PBRM1: variants seen among roughly 807,000 people sequenced by gnomAD.
PBRM1 encodes the protein polybromo 1.
PBRM1 carries 27 observed loss-of-function variants against 194.5 expected under a neutral mutation model. The ratio of observed to expected loss-of-function variants is 0.14; its 90% CI spans 0.10 to 0.19. PBRM1 has a LOEUF of 0.19. Ranked by LOEUF, PBRM1 falls within the 10% of genes least tolerant of loss-of-function variation. The probability of loss-of-function intolerance (pLI) is 1.00; values close to 1 mark genes in which losing one functional copy is unlikely to be tolerated. For missense variants in PBRM1, 1,466 were observed against 2,077.2 expected (o/e 0.71, Z 5.72); for synonymous variants, 655 against 693.2 (o/e 0.94, Z 0.87).
In PBRM1 at chr3:52,616,537, C is replaced by A. The variant is rs190707777; in HGVS notation, c.1818+725G>T. Among the ~76,000 whole-genome samples, 790 of 152,090 alleles carry A rather than the reference C, an allele frequency of 5.2e-3. 9 individuals are homozygous for A. The highest frequency in any genetic ancestry group is 0.018 in the African/African-American group (753 of 41,506). ...TGAAACCCCATCTCTACTAAAAGTA[C>A]AAAAAATTAGCTGGGCGTGGTGGTG... On this transcript the variant is annotated intron_variant, in intron 14 of 29. Coordinates refer to ENST00000296302, the Ensembl canonical transcript of PBRM1.
At chr3:52,586,387 G>C (rs1474829750) in intron 20 of PBRM1, 38 bp downstream of exon 22, 2 of 1,546,884 alleles carry the variant, frequency 1.3e-6, no homozygotes, top group Admixed American at 3.7e-5. Context: ...GGTGTTTTGA[G>C]ATGTAAAATT....
At chr3:52,655,919 G>A (rs529509325) in intron 5 of PBRM1, among the ~76,000 whole-genome samples, 5 of 152,292 alleles carry the variant, frequency 3.3e-5, no homozygotes, top group South Asian at 2.1e-4. Flanking sequence ...CCAATCCTTC[G>A]GATCGGGTTC....
chr3:52,652,047 G>A (rs1234585915), intron 5 of PBRM1, among the ~76,000 whole-genome samples: 2 of 152,190 alleles, frequency 1.3e-5, no homozygotes, highest in African/African-American at 4.8e-5. Context: ...TTGGTATTTT[G>A]AGTGTTATTA....
chr3:52,642,037 CT>C lies in PBRM1; in HGVS notation c.1003del (p.Arg335GlufsTer27). 1 of 1,490,684 alleles carries C rather than the reference CT, an allele frequency of 6.7e-7. No individual in the cohort carries two copies. Among genetic ancestry groups the C allele is most frequent in the Non-Finnish European group, 9.3e-7 (1 of 1,075,710 alleles). 92.3% of individuals were successfully genotyped at this position (1,490,684 alleles called of 1,614,324 possible). On this transcript the variant is annotated frameshift_variant, in exon 10 of 30. Coordinates refer to ENST00000296302, the Ensembl canonical transcript of PBRM1. LOFTEE classifies it high-confidence loss of function. ...TGATAAACGACCTCCTTGTACTGCTCTTTTATTACTACAAAAAAAAAAAAAG... is the reference window on the plus strand; with the variant it reads ...TGATAAACGACCTCCTTGTACTGCTCTTTATTACTACAAAAAAAAAAAAAG...
Position 52,609,814 on chromosome 3 carries a change from G to A in PBRM1, c.2066C>T (p.Ser689Phe), listed in dbSNP as rs2094519998. 6.2e-7 allele frequency: 1 copy of A among 1,613,530 alleles called. No homozygotes were observed. The highest frequency in any genetic ancestry group is 8.5e-7 in the Non-Finnish European group (1 of 1,179,862). Reference sequence around the variant, plus strand: ...ATAGTAGTCAGGCAACTCAGATCTAGAGGGAAGCCTCAGAAATATGGCACT... The same window carrying A: ...ATAGTAGTCAGGCAACTCAGATCTAAAGGGAAGCCTCAGAAATATGGCACT... Residue 689 changes from serine (S) to phenylalanine (F), a missense_variant, in exon 16 of 30, where the codon TCT (serine) becomes TTT (phenylalanine). This residue lies in a region of PBRM1 where 687 missense variants were observed against 946.2 expected (regional missense o/e 0.73). Coordinates refer to ENST00000296302, the Ensembl canonical transcript of PBRM1. This position sits in a 1 kb window ranked among gnomAD's most constrained non-coding sequence, Gnocchi z 4.1.
At chr3:52,560,577 A>G (rs984122403) in intron 25 of PBRM1, 1 of 152,008 alleles carries the variant, frequency 6.6e-6, no homozygotes, top group South Asian at 2.1e-4. Context: ...TGCATGCTGT[A>G]TGAAAGGAGA....
At position 52,609,892 on chromosome 3, in the gene PBRM1, T is replaced by C. The variant is rs752249293; in HGVS notation, c.1988A>G (p.Asn663Ser). Residue 663 changes from asparagine to serine, a missense_variant, in exon 16 of 30, where the codon AAT becomes AGT. By Grantham distance (46) the Asn-to-Ser change is conservative. Transcript: ENST00000296302. This position sits in a 1 kb window ranked among gnomAD's most constrained non-coding sequence, Gnocchi z 4.1. ...GTTCTTTACAGCTTCATAGACCTCA[T>C]TTAGTTTCTGCTGCATTGGAGTCAT... The C allele has an allele frequency of 1.2e-5, 19 of 1,569,296 alleles. No individual in the cohort carries two copies. The highest frequency in any genetic ancestry group is 1.4e-5 in the Non-Finnish European group (16 of 1,158,796).
intron 3 of PBRM1, among the ~76,000 whole-genome samples, chr3:52,663,417 C>T (rs566733465): frequency 2.0e-5 from 3 of 152,304 alleles, no homozygotes; most frequent in Non-Finnish European, 2.9e-5. Context: ...CTATCTCAAA[C>T]CATGGCACTG....
chr3:52,664,065 A>C (rs1351879593), intron 3 of PBRM1, among the ~76,000 whole-genome samples: 10 of 151,668 alleles, frequency 6.6e-5, no homozygotes, highest in Non-Finnish European at 1.3e-4. Flanking sequence ...GTCTCAAAAA[A>C]AAAAAAAAAA....
At position 52,586,592 on chromosome 3, in the gene PBRM1, T is replaced by A. The variant is rs2153773501; in HGVS notation, c.3220A>T (p.Lys1074Ter). 6.2e-7 allele frequency: 1 copy of A among 1,614,070 alleles called. No homozygotes were observed. The highest frequency in any genetic ancestry group is 8.5e-7 in the Non-Finnish European group (1 of 1,179,980). Residue 1074 changes from lysine to a stop codon, truncating the protein, a stop_gained, in exon 20 of 30, where the codon AAA becomes TAA. Transcript: ENST00000296302. LOFTEE classifies it high-confidence loss of function. Reference sequence around the variant, plus strand: ...GAGCTGATGGGCATGGTCCACAGTTTAATTTTCTTAAAAGATTTGGTTTTG... The same window carrying A: ...GAGCTGATGGGCATGGTCCACAGTTAAATTTTCTTAAAAGATTTGGTTTTG...
intron 12 of PBRM1, 21 bp from the exon 14 acceptor site, chr3:52,627,391 G>A (rs2153580959): frequency 6.8e-7 from 1 of 1,477,880 alleles, no homozygotes; most frequent in Non-Finnish European, 9.5e-7. Flanking sequence ...GCAGATCTCA[G>A]GAGTTGAGCT....
At chr3:52,685,268 T>C (rs894226066) in intron 1 of PBRM1, among the ~76,000 whole-genome samples, 1 of 152,130 alleles carries the variant, frequency 6.6e-6, no homozygotes, top group Non-Finnish European at 1.5e-5. Context: ...CTTTGTGGTG[T>C]TGAGAAGCTG....
At chr3:52,620,123 C>G (rs1426198099) in intron 13 of PBRM1, among the ~76,000 whole-genome samples, 1 of 152,178 alleles carries the variant, frequency 6.6e-6, no homozygotes, top group Non-Finnish European at 1.5e-5. Context: ...AGGAAGAGTT[C>G]TCTCATTCTA....
At chr3:52,627,565 A>T (rs2095485401) in intron 12 of PBRM1, among the ~76,000 whole-genome samples, 195 bp from the exon 14 acceptor site, 1 of 152,220 alleles carries the variant, frequency 6.6e-6, no homozygotes, top group Admixed American at 6.5e-5. Flanking sequence ...AGAGTAGGTT[A>T]AAAAATGGTT....
rs5848955 is a variant in PBRM1 at position 52,564,021 on chromosome 3, CT to C, written c.3875+28del. On this transcript the variant is annotated intron_variant, in intron 23 of 29. Coordinates refer to ENST00000296302, the Ensembl canonical transcript of PBRM1. The stretch of plus-strand genomic sequence containing the variant: ...GTTGCTATCAGTTAATGGAAGTGCT[CT>C]TTTTTCCTTAAGTTTTTCAAGCTTT... 8.3e-4 allele frequency: 1,279 copies of C among 1,548,104 alleles called. 14 individuals are homozygous for C. The African/African-American group carries it at 0.016, about 20-fold the overall frequency.
intron 2 of PBRM1, among the ~76,000 whole-genome samples, chr3:52,673,279 C>T (rs1055174616): frequency 2.0e-5 from 3 of 151,660 alleles, no homozygotes; most frequent in Admixed American, 6.6e-5. Context: ...TGAGCCACCG[C>T]GCCCAGCCAT....
At chr3:52,618,067 T>C (rs1158551462) in intron 13 of PBRM1, among the ~76,000 whole-genome samples, 1 of 152,196 alleles carries the variant, frequency 6.6e-6, no homozygotes, top group African/African-American at 2.4e-5. Context: ...CAGACTAGTG[T>C]CTTTACAGTG....
At chr3:52,554,946 C>A (rs2153431496) in intron 26 of PBRM1, 67 bp from the exon 29 acceptor site, 1 of 1,300,022 alleles carries the variant, frequency 7.7e-7, no homozygotes, top group Middle Eastern at 2.1e-4. Flanking sequence ...TAATAACAAC[C>A]AACCCCCACA....
chr3:52,651,274 A>G (rs1306224898), intron 6 of PBRM1, among the ~76,000 whole-genome samples: 2 of 152,206 alleles, frequency 1.3e-5, no homozygotes. Context: ...AAAAAGTAGT[A>G]TCTAATTCCA....
Sources: gnomAD v4.1 joint callset for allele counts (sites outside exome capture counted in the v4.1 genomes callset) on GRCh38, gnomAD v4.1.1 for gene constraint, gnomAD v4.1.1 regional missense constraint, Gnocchi (gnomAD v3.1) non-coding constraint, MANE v1.5 for transcripts, NCBI Gene and HGNC (gene_info 2026-07-23, HGNC 2026-07-21) for gene names.